The following RPL24 variants were observed in gnomAD, a reference collection of about 807,000 sequenced individuals.
The protein encoded by RPL24 is ribosomal protein L24.
A neutral mutation model predicts 26.4 loss-of-function variants in RPL24; 7 were observed. The ratio of observed to expected loss-of-function variants is 0.27; its 90% CI spans 0.15 to 0.50. RPL24 has a LOEUF of 0.50. Ranked by LOEUF, RPL24 falls within the 20% of genes least tolerant of loss-of-function variation. The pLI is 0.98. For synonymous variants in RPL24, 67 were observed against 65.2 expected, an observed-to-expected ratio of 1.03 and a Z score of -0.13; for missense variants, 109 against 194.9, an observed-to-expected ratio of 0.56 and a Z score of 2.62.
rs915237043 is a variant in RPL24, at chr3:101,686,057, G to C, written c.82-129C>G. ...CATTTTACAAAACTGAGGCCCACAA[G>C]GACCAAAAGGCTGTCACATAACTGG... On this transcript the variant is annotated intron_variant, in intron 2 of 5. Transcript: ENST00000394077. 4 of 633,122 alleles carry C rather than the reference G, an allele frequency of 6.3e-6. No homozygotes were observed. The African/African-American group carries it at 7.3e-5, about 12-fold the overall frequency. The allele number at this position is 633,122 out of a possible 1,614,324, so 39.2% of individuals were successfully genotyped here.
chr3:101,684,039 G>A (rs1020539870), intron 3 of RPL24, among the ~76,000 whole-genome samples: 1 of 152,018 alleles, frequency 6.6e-6, no homozygotes, highest in Non-Finnish European at 1.5e-5. Context: ...AGTAGAAACT[G>A]GGGTCTTCAC....
rs57278210 is a variant in RPL24 at position 101,684,776 on chromosome 3, C to CAAAAAAAAAAA, written c.192+1031_192+1041dup. Reference sequence around the variant, plus strand: ...CTGAGCAACAGAGGACCTGTCTCCCCAAAAAAAAAAAAAAAAAAAAAAAAA... The same window carrying CAAAAAAAAAAA: ...CTGAGCAACAGAGGACCTGTCTCCCCAAAAAAAAAAAAAAAAAAAAAAAAAAAAAAAAAAAA... On this transcript the variant is annotated intron_variant, in intron 3 of 5. Coordinates refer to ENST00000394077, the MANE Select transcript of RPL24 (RefSeq NM_000986.4). Among the ~76,000 whole-genome samples the CAAAAAAAAAAA allele has an allele frequency of 3.2e-3, 169 of 53,208 alleles. 30 individuals carry two copies. Among genetic ancestry groups the CAAAAAAAAAAA allele is most frequent in the East Asian group, 7.1e-3 (10 of 1,406 alleles). The allele number at this position is 53,208 out of a possible 152,430, so 34.9% of individuals were successfully genotyped here. A position where few individuals can be genotyped will look rare whatever the true frequency, so the allele number is the denominator to read the frequency against.
At chr3:101,685,955 C>T in intron 2 of RPL24, 27 bp from the exon 3 acceptor site, 1 of 1,388,910 alleles carries the variant, frequency 7.2e-7, no homozygotes, top group Non-Finnish European at 1.0e-6. Flanking sequence ...AAAGGAATTA[C>T]TATTTAACTA....
Position 101,686,705 on chromosome 3 carries a change from T to A in RPL24, c.-29A>T, listed in dbSNP as rs750499441. 1 of 1,614,092 alleles carries A rather than the reference T, an allele frequency of 6.2e-7. No homozygotes were observed. The highest frequency in any genetic ancestry group is 8.5e-7 in the Non-Finnish European group (1 of 1,179,992). ...GACAGCTCCACGGAAAGACAAAAGATGGCGAAAAGAAAGAGAGAATCATGG... is the reference window on the plus strand; with the variant it reads ...GACAGCTCCACGGAAAGACAAAAGAAGGCGAAAAGAAAGAGAGAATCATGG... On this transcript the variant is annotated 5_prime_UTR_variant, in exon 1 of 6. Transcript: ENST00000394077.
Position 101,686,417 on chromosome 3 carries a change from C to G in RPL24, c.81+65G>C, listed in dbSNP as rs1937343105. 2.8e-6 allele frequency: 4 copies of G among 1,444,766 alleles called. No individual in the cohort carries two copies. In the East Asian group the frequency reaches 9.5e-5, roughly 34 times the overall value. The allele number at this position is 1,444,766 out of a possible 1,614,324, so 89.5% of individuals were successfully genotyped here. A position where few individuals can be genotyped will look rare whatever the true frequency, so the allele number is the denominator to read the frequency against. On this transcript the variant is annotated intron_variant, in intron 2 of 5. Transcript: ENST00000394077. ...ATGTGGGGAATAAACCCGCCTAAAC[C>G]GAATTAAACCAGCCTTTCCTCCTCG...
At chr3:101,682,733 C>T (rs552379600) in intron 4 of RPL24, 38 bp downstream of exon 4, 9 of 1,598,294 alleles carry the variant, frequency 5.6e-6, no homozygotes, top group Admixed American at 5.2e-5. Flanking sequence ...AAAATCCATC[C>T]GAATAGGTAA....
At chr3:101,686,193 T>C (rs1038712642) in intron 2 of RPL24, 12 of 576,596 alleles carry the variant, frequency 2.1e-5, no homozygotes, top group African/African-American at 1.9e-4. Flanking sequence ...GGAAGCATTC[T>C]GCTCTTGTCC....
Position 101,681,489 on chromosome 3 carries a change from G to A in RPL24, c.394-274C>T. The A allele has an allele frequency of 1.9e-5, 8 of 411,698 alleles. No homozygotes were observed. The South Asian group carries it at 2.5e-4, about 13-fold the overall frequency. 25.5% of individuals were successfully genotyped at this position (411,698 alleles called of 1,614,324 possible). On this transcript the variant is annotated intron_variant, in intron 5 of 5. Coordinates refer to ENST00000394077, the MANE Select transcript of RPL24 (RefSeq NM_000986.4). ...AAATGCATCCTAACAGAAACTCACA[G>A]AAAAGATCTCAGTAACAGTACAGTG...
chr3:101,682,358 A>G, intron 5 of RPL24, 71 bp downstream of exon 5: 1 of 1,212,434 alleles, frequency 8.2e-7, no homozygotes, highest in South Asian at 1.2e-5. Flanking sequence ...GCAACAGAGC[A>G]AGACTCCGTC....
chr3:101,686,139 G>A, intron 2 of RPL24: 2 of 577,598 alleles, frequency 3.5e-6, no homozygotes, highest in Admixed American at 3.1e-5. Context: ...TCGAGAGCAG[G>A]AAATCTAGGC....
intron 3 of RPL24, among the ~76,000 whole-genome samples, chr3:101,684,779 A>C (rs1385999563): frequency 5.1e-5 from 1 of 19,776 alleles, no homozygotes; most frequent in African/African-American, 1.6e-4. Flanking sequence ...GTCTCCCCAA[A>C]AAAAAAAAAA....
intron 2 of RPL24, 100 bp from the exon 3 acceptor site, chr3:101,686,028 T>G: frequency 1.3e-6 from 1 of 778,536 alleles, no homozygotes; most frequent in Non-Finnish European, 2.2e-6. Context: ...TAGTTCTGGC[T>G]TATCATTTTA....
chr3:101,684,048 A>G (rs1937298181), intron 3 of RPL24, among the ~76,000 whole-genome samples: 1 of 151,574 alleles, frequency 6.6e-6, no homozygotes, highest in Non-Finnish European at 1.5e-5. Context: ...TGGGGTCTTC[A>G]CTACTATGTT....
In RPL24 at chr3:101,686,492, G is replaced by A; in HGVS notation, c.71C>T (p.Thr24Ile). Reference sequence around the variant, plus strand: ...GACGCGGCTTTTTACCTTCCCGTCGGTCCTGGCGTAGCGCCTCCCGTGTCC... The same window carrying A: ...GACGCGGCTTTTTACCTTCCCGTCGATCCTGGCGTAGCGCCTCCCGTGTCC... ...YPGHGRRYARTDGKVFQFLNA... is the reference protein window; with the variant it reads ...YPGHGRRYARIDGKVFQFLNA... Residue 24 changes from threonine to isoleucine, a missense_variant, in exon 2 of 6, where the codon ACC (threonine) becomes ATC (isoleucine). Thr to Ile is a moderately conservative substitution (Grantham distance 89). Coordinates refer to ENST00000394077, the MANE Select transcript of RPL24 (RefSeq NM_000986.4). The A allele has an allele frequency of 6.2e-7, 1 of 1,614,072 alleles. No homozygotes were observed. The highest frequency in any genetic ancestry group is 8.5e-7 in the Non-Finnish European group (1 of 1,179,948).
intron 3 of RPL24, among the ~76,000 whole-genome samples, chr3:101,684,776 CAAAAAAAAAAAAA>C (rs57278210): frequency 0.023 from 1,205 of 53,214 alleles, 32 homozygotes; most frequent in African/African-American, 0.07. Context: ...CCTGTCTCCC[CAAAAAAAAAAAAA>C]AAAAAAAAAA....
At position 101,686,701 on chromosome 3, in the gene RPL24, A is replaced by G. The variant is rs757442203; in HGVS notation, c.-25T>C. On this transcript the variant is annotated 5_prime_UTR_variant, in exon 1 of 6. Coordinates refer to ENST00000394077, the MANE Select transcript of RPL24 (RefSeq NM_000986.4). ...TGGCGACAGCTCCACGGAAAGACAA[A>G]AGATGGCGAAAAGAAAGAGAGAATC... 6.2e-7 allele frequency: 1 copy of G among 1,614,144 alleles called. No homozygotes were observed. The highest frequency in any genetic ancestry group is 1.7e-5 in the Admixed American group (1 of 60,032).
At chr3:101,685,674 A>G (rs1433199710) in intron 3 of RPL24, 144 bp downstream of exon 3, 1 of 504,148 alleles carries the variant, frequency 2.0e-6, no homozygotes. Flanking sequence ...AGTTTATAAT[A>G]TCTTTTTCAT....
In RPL24 at chr3:101,684,502, T is replaced by C. The variant is rs191973607; in HGVS notation, c.192+1316A>G. ...AACTTTTTAAATTATAATTTAGCTA[T>C]GCAGGATGGCTCGCGCCTGTAATGC... On this transcript the variant is annotated intron_variant, in intron 3 of 5. Coordinates refer to ENST00000394077, the MANE Select transcript of RPL24 (RefSeq NM_000986.4). 2.0e-5 allele frequency among the ~76,000 whole-genome samples: 3 copies of C among 152,214 alleles called. No homozygotes were observed. The East Asian group carries it at 5.8e-4, about 29-fold the overall frequency.
chr3:101,686,357 A>G, intron 2 of RPL24, 125 bp downstream of exon 2: 1 of 738,998 alleles, frequency 1.4e-6, no homozygotes, highest in Non-Finnish European at 2.2e-6. Flanking sequence ...ACCAGTCCAC[A>G]GAGCGTCCAC....
Sources: allele counts gnomAD v4.1 joint callset (sites outside exome capture counted in the v4.1 genomes callset), GRCh38; gene constraint gnomAD v4.1.1; transcripts MANE v1.5; gene names NCBI Gene and HGNC (gene_info 2026-07-23, HGNC 2026-07-21).